SMG9: variants seen among roughly 807,000 people sequenced by gnomAD.
SMG9 encodes SMG9 nonsense mediated mRNA decay factor.
Under a neutral mutation model 64.0 loss-of-function variants are expected in SMG9, and 55 were observed. The observed-to-expected ratio is 0.86, with a 90% CI of 0.69 to 1.08. The LOEUF (loss-of-function observed/expected upper bound fraction) is 1.08. SMG9 is among the 50% of genes least tolerant of loss of function. SMG9 has a pLI of 0.00. For synonymous variants in SMG9, 244 were observed against 254.8 expected (o/e 0.96, Z 0.41); for missense variants, 554 against 681.3 (o/e 0.81, Z 2.08).
Position 43,741,414 on chromosome 19 carries a change from A to G in SMG9, c.702-1196T>C, listed in dbSNP as rs137992618. 6.2e-3 allele frequency among the ~76,000 whole-genome samples: 944 copies of G among 152,260 alleles called. 6 individuals carry two copies. Among genetic ancestry groups the G allele is most frequent in the African/African-American group, 0.022 (904 of 41,544 alleles). On this transcript the variant is annotated intron_variant, in intron 6 of 13. Transcript: ENST00000270066. ...AGATGGTGCATGTGGGAGGGGAGGGAGCAAGAAGAGGATACACAGACCCTT... is the reference window on the plus strand; with the variant it reads ...AGATGGTGCATGTGGGAGGGGAGGGGGCAAGAAGAGGATACACAGACCCTT...
Position 43,750,618 on chromosome 19 carries a change from T to G in SMG9, c.124A>C (p.Ile42Leu). ...SGPGGRERDY[I>L]APWERERRDA... ...CTTCTCTCTCTTTCCCATGGTGCAA[T>G]GTAGTCCCTCTCCCGACCACCAGGC... Residue 42 changes from isoleucine to leucine, a missense_variant, in exon 2 of 14, where the codon ATT becomes CTT. Ile to Leu is a conservative substitution (Grantham distance 5, BLOSUM62 2). Transcript: ENST00000270066. 6.2e-7 allele frequency: 1 copy of G among 1,613,658 alleles called. No individual in the cohort carries two copies. The highest frequency in any genetic ancestry group is 1.1e-5 in the South Asian group (1 of 91,020).
At chr19:43,741,823 C>T (rs1968854130) in intron 6 of SMG9, among the ~76,000 whole-genome samples, 1 of 152,044 alleles carries the variant, frequency 6.6e-6, no homozygotes, top group South Asian at 2.1e-4. Flanking sequence ...CTAGTCTGGG[C>T]AACACAGCAA....
chr19:43,748,158 C>A, intron 2 of SMG9, 106 bp from the exon 3 acceptor site: 5 of 1,305,962 alleles, frequency 3.8e-6, no homozygotes, highest in Non-Finnish European at 5.2e-6. Flanking sequence ...CTACCTTGAT[C>A]CTACCAACAG....
intron 9 of SMG9, among the ~76,000 whole-genome samples, chr19:43,737,166 G>A (rs1029855592): frequency 1.1e-4 from 16 of 152,258 alleles, no homozygotes; most frequent in African/African-American, 3.1e-4. Flanking sequence ...CCAGCTACTC[G>A]GGAGGCTGAG....
At chr19:43,734,296 T>C (rs928522609) in intron 10 of SMG9, 93 bp downstream of exon 10, 118 of 1,025,524 alleles carry the variant, frequency 1.2e-4, no homozygotes, top group Non-Finnish European at 1.6e-4. Flanking sequence ...CCCCACTCCT[T>C]CCTCTCTCTC....
intron 2 of SMG9, among the ~76,000 whole-genome samples, chr19:43,749,686 C>G (rs913557469): frequency 6.6e-6 from 1 of 152,132 alleles, no homozygotes; most frequent in African/African-American, 2.4e-5. Flanking sequence ...TGGACAGGGC[C>G]CTAGAGAAAA....
chr19:43,749,929 A>C (rs554339119), intron 2 of SMG9, among the ~76,000 whole-genome samples: 1 of 152,336 alleles, frequency 6.6e-6, no homozygotes, highest in South Asian at 2.1e-4. Flanking sequence ...TTTCCTCATT[A>C]GTGAAAATCA....
chr19:43,741,582 T>C (rs948552903), intron 6 of SMG9, among the ~76,000 whole-genome samples: 24 of 152,284 alleles, frequency 1.6e-4, no homozygotes, highest in African/African-American at 5.3e-4. Flanking sequence ...AAAGTGGAGA[T>C]AGGCTTACAA....
chr19:43,733,959 G>A (rs1568595711), intron 10 of SMG9: 1 of 582,406 alleles, frequency 1.7e-6, no homozygotes, highest in African/African-American at 1.9e-5. Context: ...GCCCTAGCGA[G>A]GGATCATAAA....
At position 43,740,223 on chromosome 19, in the gene SMG9, G is replaced by A; in HGVS notation, c.702-5C>T. 1.2e-6 allele frequency: 2 copies of A among 1,606,104 alleles called. No homozygotes were observed. Among genetic ancestry groups the A allele is most frequent in the Non-Finnish European group, 1.7e-6 (2 of 1,172,770 alleles). On this transcript the variant is annotated splice_polypyrimidine_tract_variant and splice_region_variant and intron_variant, in intron 6 of 13. Coordinates refer to ENST00000270066, the MANE Select transcript of SMG9 (RefSeq NM_019108.4). ...TGGGCCCGGAAAACATAAGTCCTGTGGAGAGGAGCAGGCAGGGGTGTGTGA... is the reference window on the plus strand; with the variant it reads ...TGGGCCCGGAAAACATAAGTCCTGTAGAGAGGAGCAGGCAGGGGTGTGTGA...
chr19:43,729,070 G>A lies in SMG9; in HGVS notation c.*2526C>T, dbSNP rs952279205. The A allele has an allele frequency of 3.3e-5, 32 of 983,130 alleles. No individual in the cohort carries two copies. The South Asian group carries it at 4.7e-4, about 14-fold the overall frequency. The allele number at this position is 983,130 out of a possible 1,614,324, so 60.9% of individuals were successfully genotyped here. ...CTCTGCTGGATGTAAAGGGGGTGGCGGGTGACCGGTACATACTTACCCACT... is the reference window on the plus strand; with the variant it reads ...CTCTGCTGGATGTAAAGGGGGTGGCAGGTGACCGGTACATACTTACCCACT... On this transcript the variant is annotated 3_prime_UTR_variant, in exon 14 of 14. Transcript: ENST00000270066.
intron 1 of SMG9, among the ~76,000 whole-genome samples, chr19:43,751,500 C>A (rs1271981149): frequency 1.3e-5 from 2 of 152,240 alleles, no homozygotes; most frequent in Non-Finnish European, 2.9e-5. Context: ...TTCCCAACAT[C>A]CACTCCTGAC....
intron 1 of SMG9, among the ~76,000 whole-genome samples, chr19:43,752,406 G>A (rs938517387): frequency 1.2e-4 from 19 of 152,360 alleles, no homozygotes; most frequent in Non-Finnish European, 2.5e-4. Flanking sequence ...AAGCTCAGAA[G>A]TCAGGTTGAC....
At chr19:43,743,665 ATGCCCC>A (rs1968909278) in intron 6 of SMG9, among the ~76,000 whole-genome samples, 2 of 152,136 alleles carry the variant, frequency 1.3e-5, no homozygotes, top group Non-Finnish European at 2.9e-5. Context: ...GTGTGGTGGC[ATGCCCC>A]TGTAGTCCCA....
chr19:43,744,942 AG>A (rs758576123), intron 5 of SMG9, 58 bp from the exon 6 acceptor site: 49 of 1,348,416 alleles, frequency 3.6e-5, no homozygotes, highest in African/African-American at 5.7e-5. Flanking sequence ...AGCTGGAATG[AG>A]GGGGGGACTC....
At chr19:43,753,787 T>G (rs1458482257) in intron 1 of SMG9, among the ~76,000 whole-genome samples, 1 of 151,916 alleles carries the variant, frequency 6.6e-6, no homozygotes, top group Non-Finnish European at 1.5e-5. Flanking sequence ...TCTGGGAGCT[T>G]CCACAGTATC....
chr19:43,731,187 T>C lies in SMG9; in HGVS notation c.*409A>G. ...CTGTGTTTATTTGAACCACCAGATCTGTTCCAATAAAGAGCTCTCCAGACC... is the reference window on the plus strand; with the variant it reads ...CTGTGTTTATTTGAACCACCAGATCCGTTCCAATAAAGAGCTCTCCAGACC... On this transcript the variant is annotated 3_prime_UTR_variant, in exon 14 of 14. Coordinates refer to ENST00000270066, the MANE Select transcript of SMG9 (RefSeq NM_019108.4). The C allele has an allele frequency of 9.9e-7, 1 of 1,007,074 alleles. No individual in the cohort carries two copies. Among genetic ancestry groups the C allele is most frequent in the Non-Finnish European group, 1.2e-6 (1 of 844,006 alleles). 62.4% of individuals were successfully genotyped at this position (1,007,074 alleles called of 1,614,324 possible).
chr19:43,743,869 G>C (rs1487283373), intron 6 of SMG9, among the ~76,000 whole-genome samples: 1 of 152,150 alleles, frequency 6.6e-6, no homozygotes, highest in African/African-American at 2.4e-5. Flanking sequence ...CATCCATGGA[G>C]GCCAGGGTAG....
chr19:43,745,985 G>A lies in SMG9; in HGVS notation c.589-1101C>T, dbSNP rs138814645. Among the ~76,000 whole-genome samples, 793 of 147,796 alleles carry A rather than the reference G, an allele frequency of 5.4e-3. 1 individual carries two copies. Among genetic ancestry groups the A allele is most frequent in the African/African-American group, 0.018 (729 of 40,026 alleles). On this transcript the variant is annotated intron_variant, in intron 5 of 13. Coordinates refer to ENST00000270066, the MANE Select transcript of SMG9 (RefSeq NM_019108.4). ...CATTGCACTCCAGCCTGGGCAACAG[G>A]AGCGAAATTCCATCACAAAAAAACA...
Sources: gnomAD v4.1 joint callset for allele counts (sites outside exome capture counted in the v4.1 genomes callset) on GRCh38, gnomAD v4.1.1 for gene constraint, MANE v1.5 for transcripts, NCBI Gene and HGNC (gene_info 2026-07-23, HGNC 2026-07-21) for gene names.